CYLD: variants seen among roughly 807,000 people sequenced by gnomAD.
CYLD encodes CYLD lysine 63 deubiquitinase, also known as ubiquitin carboxyl-terminal hydrolase CYLD.
CYLD carries 26 observed loss-of-function variants against 104.5 expected under a neutral mutation model. The observed-to-expected ratio is 0.25, with a 90% CI of 0.18 to 0.35. The LOEUF (loss-of-function observed/expected upper bound fraction) is 0.35. Among genes scored for constraint, CYLD ranks in the 10% least tolerant of loss-of-function variants. The pLI, the probability that CYLD is intolerant of heterozygous loss-of-function variation, is 1.00. For synonymous variants in CYLD, 385 were observed against 399.9 expected (o/e 0.96, Z 0.45); for missense variants, 703 against 1,136.1 (o/e 0.62, Z 5.48).
intron 2 of CYLD, among the ~76,000 whole-genome samples, chr16:50,745,554 T>A (rs138059524): frequency 6.6e-6 from 1 of 151,560 alleles, no homozygotes; most frequent in African/African-American, 2.4e-5. Context: ...AATTTTCTTT[T>A]CTTTTTTTTT....
At chr16:50,753,898 A>G (rs1966817394) in intron 4 of CYLD, among the ~76,000 whole-genome samples, 1 of 152,246 alleles carries the variant, frequency 6.6e-6, no homozygotes, top group South Asian at 2.1e-4. Flanking sequence ...TGCTCAGGGA[A>G]TATGAAGAAC....
intron 15 of CYLD, among the ~76,000 whole-genome samples, chr16:50,791,971 T>TA (rs760418484): frequency 8.5e-5 from 13 of 152,218 alleles, no homozygotes; most frequent in Non-Finnish European, 1.6e-4. Context: ...AAAGGAGACT[T>TA]ACGTTTTTTA....
chr16:50,786,882 T>A lies in CYLD; in HGVS notation c.1977T>A (p.Ile659=). Residue 659 remains isoleucine, a synonymous_variant, in exon 13 of 19, where the codon ATT becomes ATA. Transcript: ENST00000427738. ...RIYGYVCATK[I]MKLRKILEKV... ...ATGGATATGTGTGTGCCACAAAAAT[T>A]ATGAAACTGAGGAAAATACTTGAAA... is the stretch of plus-strand genomic sequence containing the variant. 1 of 1,613,944 alleles carries A rather than the reference T, an allele frequency of 6.2e-7. No individual in the cohort carries two copies. The highest frequency in any genetic ancestry group is 8.5e-7 in the Non-Finnish European group (1 of 1,179,884).
chr16:50,757,637 C>T (rs968871944), intron 5 of CYLD, among the ~76,000 whole-genome samples: 1 of 151,834 alleles, frequency 6.6e-6, no homozygotes, highest in African/African-American at 2.4e-5. Flanking sequence ...CCTGGGTCCA[C>T]GCCATTCTCC....
At chr16:50,782,257 T>G in intron 10 of CYLD, 68 bp from the exon 11 acceptor site, 1 of 1,185,594 alleles carries the variant, frequency 8.4e-7, no homozygotes, top group Middle Eastern at 2.8e-4. Flanking sequence ...AAAATATTTA[T>G]GGGAATACAT....
chr16:50,786,782 G>T, intron 12 of CYLD, 73 bp from the exon 13 acceptor site: 5 of 1,098,332 alleles, frequency 4.6e-6, no homozygotes, highest in African/African-American at 1.6e-5. Context: ...AAGAAAAAAA[G>T]AAATATGTGA....
At chr16:50,778,906 TC>T (rs2150988595) in intron 8 of CYLD, among the ~76,000 whole-genome samples, 1 of 152,346 alleles carries the variant, frequency 6.6e-6, no homozygotes, top group South Asian at 2.1e-4. Context: ...AGAAGTTCAT[TC>T]TTTTGTCATT....
At chr16:50,779,598 T>G in intron 8 of CYLD, 67 bp from the exon 9 acceptor site, 1 of 1,546,400 alleles carries the variant, frequency 6.5e-7, no homozygotes, top group Non-Finnish European at 8.9e-7. Context: ...TGTATATAAA[T>G]TTTTAGAAAT....
chr16:50,786,278 A>C (rs1332352440), intron 12 of CYLD: 1 of 152,256 alleles, frequency 6.6e-6, no homozygotes, highest in East Asian at 1.9e-4. Flanking sequence ...TTATTTAAAA[A>C]ATCAGTCACA....
chr16:50,745,105 A>G (rs1966061915), intron 2 of CYLD, among the ~76,000 whole-genome samples: 1 of 152,238 alleles, frequency 6.6e-6, no homozygotes, highest in Non-Finnish European at 1.5e-5. Context: ...GAAGTAAGAT[A>G]GTATTTAGAT....
intron 2 of CYLD, among the ~76,000 whole-genome samples, chr16:50,743,088 A>G (rs1965863911): frequency 6.6e-6 from 1 of 152,072 alleles, no homozygotes; most frequent in African/African-American, 2.4e-5. Context: ...AGCCCCCATC[A>G]TCCCTGCCAC....
At chr16:50,765,744 A>G (rs1279897650) in intron 5 of CYLD, among the ~76,000 whole-genome samples, 2 of 152,204 alleles carry the variant, frequency 1.3e-5, no homozygotes, top group African/African-American at 4.8e-5. Context: ...AAACAGCCTT[A>G]TTGCTGATAT....
rs1225480277 is a variant in CYLD, at chr16:50,801,233, G to A, written c.*4725G>A. 1.3e-5 allele frequency: 3 copies of A among 233,340 alleles called. No homozygotes were observed. Among genetic ancestry groups the A allele is most frequent in the Admixed American group, 5.6e-5 (1 of 17,784 alleles). The allele number at this position is 233,340 out of a possible 1,614,324, so 14.5% of individuals were successfully genotyped here. On this transcript the variant is annotated 3_prime_UTR_variant, in exon 19 of 19. Coordinates refer to ENST00000427738, the MANE Select transcript of CYLD (RefSeq NM_001378743.1). Reference sequence around the variant, plus strand: ...ACCAGCAAGTGTGGCCAAGGATAATGAAAAAGTGGGAAAGGAAGGTCCTCC... The same window carrying A: ...ACCAGCAAGTGTGGCCAAGGATAATAAAAAAGTGGGAAAGGAAGGTCCTCC...
At position 50,797,019 on chromosome 16, in the gene CYLD, C is replaced by T. The variant is rs1972108224; in HGVS notation, c.*511C>T. 1 of 244,976 alleles carries T rather than the reference C, an allele frequency of 4.1e-6. No homozygotes were observed. Among genetic ancestry groups the T allele is most frequent in the South Asian group, 1.4e-4 (1 of 7,160 alleles). The allele number at this position is 244,976 out of a possible 1,614,324, so 15.2% of individuals were successfully genotyped here. ...TTGATTTGTTAATCCTTTCTATATA[C>T]TGCTGATCTTGCATGTCTACAATCT... On this transcript the variant is annotated 3_prime_UTR_variant, in exon 19 of 19. Transcript: ENST00000427738.
chr16:50,787,059 A>G (rs780905150), intron 13 of CYLD, 113 bp downstream of exon 13: 126 of 874,482 alleles, frequency 1.4e-4, no homozygotes, highest in Non-Finnish European at 2.1e-4. Flanking sequence ...TAAATTAGAA[A>G]TTTCTTTTTA....
Position 50,793,996 on chromosome 16 carries a change from C to T in CYLD, c.2470-216C>T, listed in dbSNP as rs897015501. On this transcript the variant is annotated intron_variant, in intron 17 of 18. Coordinates refer to ENST00000427738, the MANE Select transcript of CYLD (RefSeq NM_001378743.1). ...AGGCTGGAGTGCAGTGGCACGATCT[C>T]GGCCCACTGCAACCTCCGCCTCCGG... 6.7e-5 allele frequency among the ~76,000 whole-genome samples: 10 copies of T among 148,610 alleles called. No homozygotes were observed. In the East Asian group the frequency reaches 1.8e-3, roughly 26 times the overall value.
At chr16:50,764,417 A>G (rs1425378186) in intron 5 of CYLD, among the ~76,000 whole-genome samples, 1 of 152,140 alleles carries the variant, frequency 6.6e-6, no homozygotes, top group Non-Finnish European at 1.5e-5. Context: ...TTCATTTTCA[A>G]AGCTTTGGGC....
At chr16:50,792,161 G>T (rs1414971139) in intron 15 of CYLD, among the ~76,000 whole-genome samples, 1 of 152,006 alleles carries the variant, frequency 6.6e-6, no homozygotes, top group East Asian at 1.9e-4. Flanking sequence ...TATGCTTGTG[G>T]TTTATTTTGA....
chr16:50,793,707 T>C, intron 17 of CYLD, 43 bp downstream of exon 17: 1 of 1,217,520 alleles, frequency 8.2e-7, no homozygotes, highest in Non-Finnish European at 1.2e-6. Flanking sequence ...TGTTGAACAG[T>C]AACTTATTTA....
Sources: allele counts gnomAD v4.1 joint callset (sites outside exome capture counted in the v4.1 genomes callset), GRCh38; gene constraint gnomAD v4.1.1; transcripts MANE v1.5; gene names NCBI Gene and HGNC (gene_info 2026-07-23, HGNC 2026-07-21).